ANK3: variants seen among roughly 807,000 people sequenced by gnomAD.
The protein encoded by ANK3 is ankyrin-3.
ANK3 carries 57 observed loss-of-function variants against 370.9 expected under a neutral mutation model. The observed-to-expected ratio is 0.15, with a 90% CI of 0.12 to 0.19. The LOEUF (loss-of-function observed/expected upper bound fraction) is 0.19, where lower values mean the gene tolerates loss of function less well. Among genes scored for constraint, ANK3 ranks in the 10% least tolerant of loss-of-function variants. The pLI, the probability that ANK3 is intolerant of heterozygous loss-of-function variation, is 1.00. For synonymous variants in ANK3, 1,929 were observed against 1,946.3 expected, an observed-to-expected ratio of 0.99 and a Z score of 0.23; for missense variants, 4,439 against 5,302.1, an observed-to-expected ratio of 0.84 and a Z score of 5.06.
chr10:60,308,295 C>CTTTTT (rs66593889), intron 1 of ANK3, among the ~76,000 whole-genome samples: 11 of 84,108 alleles, frequency 1.3e-4, no homozygotes, highest in Admixed American at 2.9e-4. Flanking sequence ...GGGAATCTGG[C>CTTTTT]TTTTTTTTTT....
chr10:60,036,379 A>G, intron 43 of ANK3, among the ~76,000 whole-genome samples: 1 of 138,594 alleles, frequency 7.2e-6, no homozygotes, highest in East Asian at 2.3e-4. Flanking sequence ...CTTACTAAGG[A>G]GGGTCATGGT....
chr10:60,225,909 T>C (rs948416259), intron 8 of ANK3, among the ~76,000 whole-genome samples: 1 of 150,644 alleles, frequency 6.6e-6, no homozygotes, highest in African/African-American at 2.4e-5. Flanking sequence ...TTTTAGTTAA[T>C]TTTTTTTGGG....
intron 25 of ANK3, among the ~76,000 whole-genome samples, chr10:60,114,785 A>G (rs2132114638): frequency 6.6e-6 from 1 of 152,364 alleles, no homozygotes; most frequent in African/African-American, 2.4e-5. Context: ...CAGATAAAAT[A>G]CAGCAATTGT....
intron 18 of ANK3, among the ~76,000 whole-genome samples, chr10:60,177,952 G>T (rs867440862): frequency 6.6e-6 from 1 of 151,996 alleles, no homozygotes; most frequent in Non-Finnish European, 1.5e-5. Context: ...CTTAGTTCAG[G>T]CCTTCTTTAT....
At chr10:60,452,326 G>A (rs912548770) in intron 2 of ANK3, among the ~76,000 whole-genome samples, 1 of 152,248 alleles carries the variant, frequency 6.6e-6, no homozygotes, top group African/African-American at 2.4e-5. Flanking sequence ...CCCTCAGCAC[G>A]AGAGTTGCTT....
intron 7 of ANK3, among the ~76,000 whole-genome samples, chr10:60,246,286 A>AAAAAAAAAAAG (rs1565961708): frequency 3.2e-5 from 4 of 123,458 alleles, no homozygotes; most frequent in Admixed American, 9.8e-5. Flanking sequence ...AAAAAAGAAA[A>AAAAAAAAAAAG]AAGAAAAAAA....
intron 25 of ANK3, among the ~76,000 whole-genome samples, chr10:60,122,717 T>A (rs1170141043): frequency 6.6e-6 from 1 of 152,250 alleles, no homozygotes; most frequent in East Asian, 1.9e-4. Flanking sequence ...TGTCTCCTTA[T>A]ATGTGTAAAG....
chr10:60,539,607 G>A (rs2076800849), intron 2 of ANK3, among the ~76,000 whole-genome samples: 1 of 151,938 alleles, frequency 6.6e-6, no homozygotes, highest in South Asian at 2.1e-4. Flanking sequence ...GGCGTGCCCT[G>A]TTTAAATCAA....
At chr10:60,513,186 A>G (rs570893776) in intron 2 of ANK3, among the ~76,000 whole-genome samples, 41 of 152,264 alleles carry the variant, frequency 2.7e-4, no homozygotes, top group Admixed American at 7.2e-4. Flanking sequence ...TAGCATCTAA[A>G]ATAGTGATTG....
intron 43 of ANK3, among the ~76,000 whole-genome samples, chr10:60,041,726 A>G (rs1424676963): frequency 6.6e-6 from 1 of 152,226 alleles, no homozygotes; most frequent in Non-Finnish European, 1.5e-5. Flanking sequence ...CTGAATAAAC[A>G]AATGATAAGG....
chr10:60,426,454 A>G (rs968574686), intron 2 of ANK3, among the ~76,000 whole-genome samples: 1 of 152,194 alleles, frequency 6.6e-6, no homozygotes, highest in East Asian at 1.9e-4. Context: ...GATAACTAAT[A>G]CAAAGCCAGG....
At chr10:60,315,102 G>A (rs552779790) in intron 1 of ANK3, among the ~76,000 whole-genome samples, 1 of 152,030 alleles carries the variant, frequency 6.6e-6, no homozygotes, top group Non-Finnish European at 1.5e-5. Flanking sequence ...TTCTTTCCTA[G>A]TGTGGCTTAG....
At chr10:60,171,099 C>CT (rs980285253) in intron 21 of ANK3, among the ~76,000 whole-genome samples, 1 of 152,002 alleles carries the variant, frequency 6.6e-6, no homozygotes, top group African/African-American at 2.4e-5. Flanking sequence ...GGTTTGAACA[C>CT]TTTTTTTGAG....
chr10:60,368,179 G>A (rs1429218177), intron 1 of ANK3, among the ~76,000 whole-genome samples: 4 of 151,880 alleles, frequency 2.6e-5, no homozygotes, highest in Non-Finnish European at 5.9e-5. Context: ...ACTAAAAGAA[G>A]GGAAGAGAAA....
intron 1 of ANK3, among the ~76,000 whole-genome samples, chr10:60,694,450 T>C (rs888078292): frequency 2.0e-5 from 3 of 152,162 alleles, no homozygotes; most frequent in African/African-American, 7.2e-5. Context: ...AATTGTCAGA[T>C]TCACCAAAGT....
intron 2 of ANK3, among the ~76,000 whole-genome samples, chr10:60,583,849 G>C (rs913608907): frequency 6.6e-6 from 1 of 152,046 alleles, no homozygotes; most frequent in Non-Finnish European, 1.5e-5. Flanking sequence ...CTCCCAAAGT[G>C]CTGACATTAC....
At chr10:60,451,323 C>T (rs1261171220) in intron 2 of ANK3, among the ~76,000 whole-genome samples, 1 of 152,124 alleles carries the variant, frequency 6.6e-6, no homozygotes, top group Non-Finnish European at 1.5e-5. Flanking sequence ...TATGGCAACC[C>T]TTGGAAACTC....
chr10:60,205,913 CCTGCTTGA>C, intron 10 of ANK3, 23 bp from the exon 11 acceptor site: 1 of 1,437,020 alleles, frequency 7.0e-7, no homozygotes, highest in Non-Finnish European at 9.8e-7. Flanking sequence ...AATACATATA[CCTGCTTGA>C]CTACATTCCA....
At chr10:60,205,586 G>A (rs975381801) in intron 11 of ANK3, among the ~76,000 whole-genome samples, 4 of 152,142 alleles carry the variant, frequency 2.6e-5, no homozygotes, top group African/African-American at 7.2e-5. Flanking sequence ...TTGACATGGT[G>A]ATACATTTGC....
Sources: gnomAD v4.1 joint callset for allele counts (sites outside exome capture counted in the v4.1 genomes callset) on GRCh38, gnomAD v4.1.1 for gene constraint, MANE v1.5 for transcripts, NCBI Gene and HGNC (gene_info 2026-07-23, HGNC 2026-07-21) for gene names.